The following SP3 variants were observed in gnomAD, a reference collection of about 807,000 sequenced individuals.
SP3 encodes transcription factor Sp3.
A neutral mutation model predicts 70.3 loss-of-function variants in SP3; 10 were observed. The observed-to-expected ratio is 0.14, with a 90% confidence interval of 0.09 to 0.24. The LOEUF (loss-of-function observed/expected upper bound fraction) is 0.24. Ranked by LOEUF, SP3 falls within the 10% of genes least tolerant of loss-of-function variation. SP3 has a pLI of 1.00. For synonymous variants in SP3, 402 were observed against 333.5 expected (o/e 1.21, Z -2.24); for missense variants, 825 against 914.6 (o/e 0.90, Z 1.26).
chr2:173,907,719 T>C lies in SP3; in HGVS notation c.*2222A>G, dbSNP rs1195903844. 1.3e-5 allele frequency: 2 copies of C among 152,156 alleles called. No homozygotes were observed. The highest frequency in any genetic ancestry group is 4.8e-5 in the African/African-American group (2 of 41,460). 9.4% of individuals were successfully genotyped at this position (152,156 alleles called of 1,614,324 possible). A position where few individuals can be genotyped will look rare whatever the true frequency, so the allele number is the denominator to read the frequency against. On this transcript the variant is annotated 3_prime_UTR_variant, in exon 7 of 7. Coordinates refer to ENST00000310015, the MANE Select transcript of SP3 (RefSeq NM_003111.5). ...TCAAGTGAACCACCTGCTGCTCACT[T>C]AATTCTCTTCACATTAATCTTAATT...
At chr2:173,952,101 ATT>A (rs546757353) in intron 4 of SP3, among the ~76,000 whole-genome samples, 53 of 140,860 alleles carry the variant, frequency 3.8e-4, no homozygotes, top group East Asian at 3.1e-3. Flanking sequence ...GGCTCACTTC[ATT>A]TTTTTTTTTT....
rs1689287431 is a variant in SP3, at chr2:173,905,508, G to A, written c.*4433C>T. Among the ~76,000 whole-genome samples, 1 of 152,156 alleles carries A rather than the reference G, an allele frequency of 6.6e-6. No homozygotes were observed. The highest frequency in any genetic ancestry group is 1.5e-5 in the Non-Finnish European group (1 of 68,036). ...TGAAAAATGGGGAAAAGGACTGAAG[G>A]AGATAGGCCTTCTCAGGATATCATT... On this transcript the variant is annotated 3_prime_UTR_variant, in exon 7 of 7. Transcript: ENST00000310015.
chr2:173,944,538 T>C (rs115779627), intron 4 of SP3, among the ~76,000 whole-genome samples: 18 of 152,102 alleles, frequency 1.2e-4, no homozygotes, highest in African/African-American at 3.1e-4. Context: ...AACTGTTAAG[T>C]TGAATACAAA....
At position 173,901,862 on chromosome 2, in the gene SP3, C is replaced by G. The variant is rs889251124; in HGVS notation, c.*8079G>C. On this transcript the variant is annotated 3_prime_UTR_variant, in exon 7 of 7. Transcript: ENST00000310015. ...GATTGCAGGCATGCGCCACCACCCC[C>G]AGCTAATTTTGTACTTTTCATCACC... Among the ~76,000 whole-genome samples, 5 of 152,058 alleles carry G rather than the reference C, an allele frequency of 3.3e-5. No homozygotes were observed. Among genetic ancestry groups the G allele is most frequent in the Non-Finnish European group, 7.4e-5 (5 of 67,992 alleles).
intron 4 of SP3, among the ~76,000 whole-genome samples, chr2:173,948,905 T>C (rs1690625522): frequency 6.6e-6 from 1 of 152,082 alleles, no homozygotes; most frequent in African/African-American, 2.4e-5. Context: ...GATTCACAAA[T>C]GAACAGGAAC....
intron 4 of SP3, among the ~76,000 whole-genome samples, chr2:173,936,471 T>C (rs1433965315): frequency 6.6e-6 from 1 of 152,216 alleles, no homozygotes; most frequent in Non-Finnish European, 1.5e-5. Flanking sequence ...CCCTCACCAA[T>C]AGTATTCAGT....
chr2:173,913,751 A>G (rs1327259277), intron 5 of SP3: 1 of 152,238 alleles, frequency 6.6e-6, no homozygotes, highest in African/African-American at 2.4e-5. Flanking sequence ...GCAGACTTTA[A>G]TATGATTTAA....
intron 3 of SP3, 27 bp downstream of exon 3, chr2:173,963,734 C>G: frequency 3.2e-6 from 3 of 946,418 alleles, no homozygotes; most frequent in Non-Finnish European, 2.6e-6. Flanking sequence ...CCGGCCTCGG[C>G]GGGGGCGGGC....
intron 3 of SP3, chr2:173,963,205 T>C (rs1432718073): frequency 1.3e-5 from 2 of 152,206 alleles, no homozygotes; most frequent in Non-Finnish European, 2.9e-5. Context: ...TTTAGTAGTC[T>C]GCAAAAACTA....
At position 173,964,561 on chromosome 2, in the gene SP3, C is replaced by T; in HGVS notation, c.8-8G>A. On this transcript the variant is annotated splice_polypyrimidine_tract_variant and splice_region_variant and intron_variant, in intron 1 of 6. Coordinates refer to ENST00000310015, the MANE Select transcript of SP3 (RefSeq NM_003111.5). Reference sequence around the variant, plus strand: ...TCACGGGCTTTTCGGGAGCTGCAGGCACAGCGCGGGGGGGTGGGGGTGGGG... The same window carrying T: ...TCACGGGCTTTTCGGGAGCTGCAGGTACAGCGCGGGGGGGTGGGGGTGGGG... 2 of 650,042 alleles carry T rather than the reference C, an allele frequency of 3.1e-6. No homozygotes were observed. The highest frequency in any genetic ancestry group is 5.7e-6 in the Non-Finnish European group (2 of 348,414). 40.3% of individuals were successfully genotyped at this position (650,042 alleles called of 1,614,324 possible). A position where few individuals can be genotyped will look rare whatever the true frequency, so the allele number is the denominator to read the frequency against.
rs1356723657 is a variant in SP3 at position 173,901,395 on chromosome 2, A to G, written c.*8546T>C. Among the ~76,000 whole-genome samples, 1 of 152,038 alleles carries G rather than the reference A, an allele frequency of 6.6e-6. No homozygotes were observed. The highest frequency in any genetic ancestry group is 1.5e-5 in the Non-Finnish European group (1 of 68,012). ...CTATCAGCCTATATATCTCTAAAAT[A>G]TATCTTATATATAAAATAATATGTA... On this transcript the variant is annotated 3_prime_UTR_variant, in exon 7 of 7. Coordinates refer to ENST00000310015, the MANE Select transcript of SP3 (RefSeq NM_003111.5).
chr2:173,964,010 C>T, intron 2 of SP3, 127 bp from the exon 3 acceptor site: 2 of 505,592 alleles, frequency 4.0e-6, no homozygotes, highest in Non-Finnish European at 6.5e-6. Context: ...CGCCAGCCCG[C>T]GCTCTCCTCC....
intron 6 of SP3, among the ~76,000 whole-genome samples, chr2:173,912,416 AG>A (rs1161620390): frequency 6.6e-6 from 1 of 152,162 alleles, no homozygotes; most frequent in Non-Finnish European, 1.5e-5. Context: ...GTAAATACAT[AG>A]TTTTCAATTC....
intron 4 of SP3, among the ~76,000 whole-genome samples, chr2:173,942,833 A>C (rs1376206698): frequency 6.6e-6 from 1 of 152,202 alleles, no homozygotes; most frequent in Non-Finnish European, 1.5e-5. Flanking sequence ...ATATCTGTGG[A>C]TCCAATTAAC....
At chr2:173,921,429 C>T (rs1465800586) in intron 4 of SP3, among the ~76,000 whole-genome samples, 1 of 152,144 alleles carries the variant, frequency 6.6e-6, no homozygotes, top group Non-Finnish European at 1.5e-5. Context: ...TGGCTCATGC[C>T]TGTAATATCA....
intron 3 of SP3, among the ~76,000 whole-genome samples, chr2:173,958,275 T>G (rs913640163): frequency 3.9e-5 from 6 of 152,018 alleles, no homozygotes; most frequent in East Asian, 1.9e-4. Flanking sequence ...AAAGTGTTTT[T>G]TTTTTTTTTT....
chr2:173,910,794 T>C (rs996095555), intron 6 of SP3, among the ~76,000 whole-genome samples: 2 of 152,202 alleles, frequency 1.3e-5, no homozygotes, highest in African/African-American at 4.8e-5. Context: ...GCTAGCTGAC[T>C]TGACTTCAGC....
rs907774425 is a variant in SP3 at position 173,904,423 on chromosome 2, G to A, written c.*5518C>T. Among the ~76,000 whole-genome samples, 2 of 151,336 alleles carry A rather than the reference G, an allele frequency of 1.3e-5. No homozygotes were observed. The highest frequency in any genetic ancestry group is 2.9e-5 in the Non-Finnish European group (2 of 68,030). Reference sequence around the variant, plus strand: ...GCCTTCTGACTTAAGAAAAAACTAAGTTGGGGAGTCTCTCTGTAAGGTTTT... The same window carrying A: ...GCCTTCTGACTTAAGAAAAAACTAAATTGGGGAGTCTCTCTGTAAGGTTTT... On this transcript the variant is annotated 3_prime_UTR_variant, in exon 7 of 7. Coordinates refer to ENST00000310015, the MANE Select transcript of SP3 (RefSeq NM_003111.5).
intron 4 of SP3, among the ~76,000 whole-genome samples, chr2:173,923,036 G>A (rs536825245): frequency 1.3e-5 from 2 of 152,286 alleles, no homozygotes; most frequent in African/African-American, 4.8e-5. Flanking sequence ...TGAATGTGCT[G>A]ACTTAAATTT....
Sources: gnomAD v4.1 joint callset for allele counts (sites outside exome capture counted in the v4.1 genomes callset) on GRCh38, gnomAD v4.1.1 for gene constraint, MANE v1.5 for transcripts, NCBI Gene and HGNC (gene_info 2026-07-23, HGNC 2026-07-21) for gene names.